Variants in TPD52L1 observed in about 807,000 individuals in gnomAD.
The protein encoded by TPD52L1 is tumor protein D53.
In TPD52L1, 18 loss-of-function variants were observed where a neutral mutation model predicts 28.7. The observed-to-expected ratio is 0.63, with a 90% confidence interval of 0.43 to 0.93. The LOEUF (loss-of-function observed/expected upper bound fraction) is 0.93. TPD52L1 is among the 40% of genes least tolerant of loss of function. The pLI is 0.00. For synonymous variants in TPD52L1, 75 were observed against 88.8 expected (o/e 0.84, Z 0.88); for missense variants, 203 against 254.8 (o/e 0.80, Z 1.39).
chr6:125,207,604 T>G (rs1263206947), intron 1 of TPD52L1, among the ~76,000 whole-genome samples: 1 of 152,248 alleles, frequency 6.6e-6, no homozygotes, highest in Non-Finnish European at 1.5e-5. Flanking sequence ...AGCAAAGGTT[T>G]GCTTACTGCC....
intron 1 of TPD52L1, among the ~76,000 whole-genome samples, chr6:125,169,550 A>C (rs1426086135): frequency 6.6e-6 from 1 of 152,082 alleles, no homozygotes; most frequent in Non-Finnish European, 1.5e-5. Flanking sequence ...CCTATCATCC[A>C]CGGTTTAGCT....
intron 1 of TPD52L1, among the ~76,000 whole-genome samples, chr6:125,162,100 A>G (rs1790556681): frequency 6.6e-6 from 1 of 152,204 alleles, no homozygotes; most frequent in South Asian, 2.1e-4. Flanking sequence ...AAGCTGTTAT[A>G]TATTTTGATT....
At chr6:125,245,519 C>T (rs189512019) in intron 3 of TPD52L1, among the ~76,000 whole-genome samples, 33 of 152,200 alleles carry the variant, frequency 2.2e-4, no homozygotes, top group Admixed American at 3.3e-4. Flanking sequence ...TAGAGAAATA[C>T]CATCAAGTGG....
chr6:125,224,169 A>G (rs1400376361), intron 2 of TPD52L1, among the ~76,000 whole-genome samples: 1 of 151,920 alleles, frequency 6.6e-6, no homozygotes, highest in Non-Finnish European at 1.5e-5. Flanking sequence ...TTAGTATTTC[A>G]TAATGTGTCT....
At chr6:125,246,597 C>T (rs1583008543) in intron 3 of TPD52L1, among the ~76,000 whole-genome samples, 1 of 152,100 alleles carries the variant, frequency 6.6e-6, no homozygotes, top group African/African-American at 2.4e-5. Context: ...AAATTAAAAG[C>T]TAAAATCATG....
chr6:125,230,442 A>G (rs1387943193), intron 3 of TPD52L1, among the ~76,000 whole-genome samples: 2 of 152,156 alleles, frequency 1.3e-5, no homozygotes, highest in African/African-American at 4.8e-5. Context: ...TTTCTTCTCT[A>G]CTATCACACT....
chr6:125,162,235 T>C (rs1378592714), intron 1 of TPD52L1, among the ~76,000 whole-genome samples: 1 of 152,230 alleles, frequency 6.6e-6, no homozygotes, highest in African/African-American at 2.4e-5. Context: ...GTGAAGTCAG[T>C]CATTTGCAAC....
chr6:125,163,581 C>CT (rs1413311155), intron 1 of TPD52L1, among the ~76,000 whole-genome samples: 1 of 140,014 alleles, frequency 7.1e-6, no homozygotes, highest in Non-Finnish European at 1.5e-5. Flanking sequence ...GACACCCTGT[C>CT]TAAAAAAAAA....
chr6:125,197,818 G>T (rs114711526), intron 1 of TPD52L1, among the ~76,000 whole-genome samples: 1,540 of 152,256 alleles, frequency 0.01, 32 homozygotes, highest in African/African-American at 0.035. Flanking sequence ...CCAGAGAAAA[G>T]GAAATGGAAG....
At position 125,264,007 on chromosome 6, in the gene TPD52L1, A is replaced by G. The variant is rs927566528; in HGVS notation, c.*1045A>G. 6.6e-6 allele frequency: 1 copy of G among 152,242 alleles called. No homozygotes were observed. The highest frequency in any genetic ancestry group is 2.4e-5 in the African/African-American group (1 of 41,462). The allele number at this position is 152,242 out of a possible 1,614,324, so 9.4% of individuals were successfully genotyped here. On this transcript the variant is annotated 3_prime_UTR_variant, in exon 7 of 7. Transcript: ENST00000534000. ...AATCTACATACAGTAGTAGTTAGTCAGATAAAGGATATCCAAAAAAGAGAT... is the reference window on the plus strand; with the variant it reads ...AATCTACATACAGTAGTAGTTAGTCGGATAAAGGATATCCAAAAAAGAGAT...
At position 125,214,502 on chromosome 6, in the gene TPD52L1, G is replaced by T. The variant is rs983408979; in HGVS notation, c.20-5576G>T. The T allele has an allele frequency of 4.1e-6, 4 of 965,482 alleles. 1 individual carries two copies. 59.8% of individuals were successfully genotyped at this position (965,482 alleles called of 1,614,324 possible). On this transcript the variant is annotated intron_variant, in intron 1 of 6. Transcript: ENST00000534000. ...ATCTAAGGGGTATCTAAGGGGAACTGCTTGGGCTGGATGTCCTGGGCTTGG... is the reference window on the plus strand; with the variant it reads ...ATCTAAGGGGTATCTAAGGGGAACTTCTTGGGCTGGATGTCCTGGGCTTGG...
chr6:125,251,890 G>T (rs184984203), intron 4 of TPD52L1: 1 of 808,428 alleles, frequency 1.2e-6, no homozygotes, highest in East Asian at 2.7e-5. Context: ...GTAATCAAGA[G>T]TGGTAAATGA....
chr6:125,195,662 A>G (rs1442263636), intron 1 of TPD52L1, among the ~76,000 whole-genome samples: 2 of 152,188 alleles, frequency 1.3e-5, no homozygotes, highest in Non-Finnish European at 2.9e-5. Context: ...TGAGGTACCA[A>G]GCAGGTTTTA....
At chr6:125,163,916 CAAA>C (rs779811391) in intron 1 of TPD52L1, among the ~76,000 whole-genome samples, 4 of 73,248 alleles carry the variant, frequency 5.5e-5, no homozygotes, top group Non-Finnish European at 8.6e-5. Flanking sequence ...CACTCTGTCT[CAAA>C]AAAAAAAAAA....
chr6:125,197,828 G>A (rs2114884714), intron 1 of TPD52L1, among the ~76,000 whole-genome samples: 1 of 152,306 alleles, frequency 6.6e-6, no homozygotes, highest in Admixed American at 6.5e-5. Context: ...GGAAATGGAA[G>A]AGGGAGGCAG....
In TPD52L1 at chr6:125,242,918, C is replaced by T. The variant is rs547920075; in HGVS notation, c.285-5364C>T. Among the ~76,000 whole-genome samples, 3 of 152,168 alleles carry T rather than the reference C, an allele frequency of 2.0e-5. 1 individual carries two copies. In the South Asian group the frequency reaches 6.2e-4, roughly 32 times the overall value. On this transcript the variant is annotated intron_variant, in intron 3 of 6. Coordinates refer to ENST00000534000, the MANE Select transcript of TPD52L1 (RefSeq NM_003287.4). ...GTGAGATTTACGCTTTGATGAAGTT[C>T]TATTTTGGTGTATTTCAAGGTTTTG... is the stretch of plus-strand genomic sequence containing the variant.
intron 3 of TPD52L1, among the ~76,000 whole-genome samples, chr6:125,238,013 C>CTACT (rs1796377277): frequency 6.6e-6 from 1 of 152,192 alleles, no homozygotes; most frequent in African/African-American, 2.4e-5. Flanking sequence ...TACCCAGTTA[C>CTACT]TACTTACTGA....
intron 1 of TPD52L1, among the ~76,000 whole-genome samples, chr6:125,156,641 G>A (rs508692): frequency 6.6e-6 from 1 of 151,640 alleles, no homozygotes; most frequent in Non-Finnish European, 1.5e-5. Flanking sequence ...GTGGTGGTGC[G>A]TGCCTGTATC....
chr6:125,215,438 T>C (rs1794796830), intron 1 of TPD52L1, among the ~76,000 whole-genome samples: 1 of 152,182 alleles, frequency 6.6e-6, no homozygotes. Context: ...TGACACCCTG[T>C]GTATAACTCA....
Sources: allele counts gnomAD v4.1 joint callset (sites outside exome capture counted in the v4.1 genomes callset), GRCh38; gene constraint gnomAD v4.1.1; transcripts MANE v1.5; gene names NCBI Gene and HGNC (gene_info 2026-07-23, HGNC 2026-07-21).